MAP2K1: variants seen among roughly 807,000 people sequenced by gnomAD.
The protein encoded by MAP2K1 is dual specificity mitogen-activated protein kinase kinase 1.
A neutral mutation model predicts 46.3 loss-of-function variants in MAP2K1; 16 were observed. The observed-to-expected ratio is 0.35, with a 90% CI of 0.23 to 0.52. The LOEUF is 0.52. Among genes scored for constraint, MAP2K1 ranks in the 20% least tolerant of loss-of-function variants. The pLI, the probability that MAP2K1 is intolerant of heterozygous loss-of-function variation, is 0.94. For missense variants in MAP2K1, 263 were observed against 497.1 expected (o/e 0.53, Z 4.48); for synonymous variants, 183 against 185.6 (o/e 0.99, Z 0.11).
At chr15:66,399,384 T>C (rs904114586) in intron 1 of MAP2K1, among the ~76,000 whole-genome samples, 1 of 152,224 alleles carries the variant, frequency 6.6e-6, no homozygotes, top group African/African-American at 2.4e-5. Flanking sequence ...ATCCCTAGAT[T>C]CCTTTGTGCT....
At chr15:66,465,354 G>A (rs1176989440) in intron 5 of MAP2K1, among the ~76,000 whole-genome samples, 3 of 152,188 alleles carry the variant, frequency 2.0e-5, no homozygotes, top group South Asian at 2.1e-4. Context: ...GTCCACGTGA[G>A]AGGGTTGTGA....
intron 3 of MAP2K1, among the ~76,000 whole-genome samples, chr15:66,441,162 T>C (rs1450017707): frequency 6.6e-6 from 1 of 152,074 alleles, no homozygotes; most frequent in Non-Finnish European, 1.5e-5. Context: ...GGAGTCTCAC[T>C]ACTACGTGGC....
intron 5 of MAP2K1, among the ~76,000 whole-genome samples, chr15:66,481,344 A>G (rs748657723): frequency 4.9e-4 from 75 of 152,262 alleles, no homozygotes; most frequent in Middle Eastern, 3.4e-3. Context: ...GCAAGCAGAT[A>G]GGTCTTATTA....
rs1567003098 is a variant in MAP2K1, at chr15:66,420,789, G to GTGTATATA, written c.81-14235_81-14234insATATATGT. Among the ~76,000 whole-genome samples, 12 of 17,894 alleles carry GTGTATATA rather than the reference G, an allele frequency of 6.7e-4. 2 individuals carry two copies. The highest frequency in any genetic ancestry group is 1.4e-3 in the African/African-American group (12 of 8,336). The allele number at this position is 17,894 out of a possible 152,430, so 11.7% of individuals were successfully genotyped here. On this transcript the variant is annotated intron_variant, in intron 1 of 10. Transcript: ENST00000307102. ...TGTGTATATATATGTGTATATATAT[G>GTGTATATA]TGTGTATATATATGTGTATATATAT...
chr15:66,415,131 C>A, intron 1 of MAP2K1: 1 of 525,088 alleles, frequency 1.9e-6, no homozygotes, highest in South Asian at 1.4e-5. Context: ...GCATCAAGCT[C>A]CAGCTTGGCA....
intron 5 of MAP2K1, among the ~76,000 whole-genome samples, chr15:66,469,723 C>CACACACACACACACACATAT (rs143830560): frequency 5.9e-5 from 8 of 134,560 alleles, no homozygotes; most frequent in East Asian, 5.2e-4. Flanking sequence ...CACACACACA[C>CACACACACACACACACATAT]ATATCGGATG....
chr15:66,426,142 CTTTTT>C (rs57873985), intron 1 of MAP2K1, among the ~76,000 whole-genome samples: 1 of 145,510 alleles, frequency 6.9e-6, no homozygotes, highest in African/African-American at 2.5e-5. Flanking sequence ...AGTGTTTTTT[CTTTTT>C]TTTTTTTTTT....
At chr15:66,443,492 C>T (rs1891775515) in intron 4 of MAP2K1, 135 bp downstream of exon 4, 2 of 683,762 alleles carry the variant, frequency 2.9e-6, no homozygotes, top group South Asian at 3.0e-5. Context: ...TCTCACTAGA[C>T]TCTTCCCTGT....
chr15:66,424,506 GCTTT>G (rs891001178), intron 1 of MAP2K1, among the ~76,000 whole-genome samples: 7 of 152,196 alleles, frequency 4.6e-5, no homozygotes, highest in Non-Finnish European at 1.5e-5. Context: ...CTGGGTTTGG[GCTTT>G]CTTTTTAATA....
chr15:66,414,450 A>G (rs1250018271), intron 1 of MAP2K1, among the ~76,000 whole-genome samples: 1 of 152,154 alleles, frequency 6.6e-6, no homozygotes. Flanking sequence ...AAGAAGAGGC[A>G]TATAGGGTAA....
intron 1 of MAP2K1, among the ~76,000 whole-genome samples, chr15:66,414,574 C>T (rs574621666): frequency 6.6e-6 from 1 of 152,222 alleles, no homozygotes; most frequent in East Asian, 1.9e-4. Context: ...TATTATTAAC[C>T]AGGGAAGCTC....
At chr15:66,421,083 T>TACAC (rs1298798305) in intron 1 of MAP2K1, among the ~76,000 whole-genome samples, 1 of 75,506 alleles carries the variant, frequency 1.3e-5, no homozygotes, top group Non-Finnish European at 2.4e-5. Flanking sequence ...TATATACACA[T>TACAC]ACACACACAT....
At chr15:66,441,240 A>G (rs2093502792) in intron 3 of MAP2K1, among the ~76,000 whole-genome samples, 1 of 152,126 alleles carries the variant, frequency 6.6e-6, no homozygotes, top group Non-Finnish European at 1.5e-5. Context: ...ATTTGGGATT[A>G]CAGGCATGAG....
chr15:66,449,379 GAGCCTGCT>G, intron 5 of MAP2K1, among the ~76,000 whole-genome samples: 1 of 152,306 alleles, frequency 6.6e-6, no homozygotes, highest in East Asian at 1.9e-4. Flanking sequence ...CATACTGTGA[GAGCCTGCT>G]AATACGAAAT....
At chr15:66,390,535 G>GT (rs2093353952) in intron 1 of MAP2K1, among the ~76,000 whole-genome samples, 1 of 152,190 alleles carries the variant, frequency 6.6e-6, no homozygotes, top group African/African-American at 2.4e-5. Context: ...CAGAGATGGA[G>GT]TTGGGTAATA....
chr15:66,388,100 C>G (rs969622273), intron 1 of MAP2K1, among the ~76,000 whole-genome samples: 1 of 152,214 alleles, frequency 6.6e-6, no homozygotes, highest in Non-Finnish European at 1.5e-5. Context: ...GATTTCCTAG[C>G]TTTCCGTACT....
intron 5 of MAP2K1, among the ~76,000 whole-genome samples, chr15:66,445,546 A>G (rs537120514): frequency 6.6e-6 from 1 of 152,370 alleles, no homozygotes; most frequent in Non-Finnish European, 1.5e-5. Flanking sequence ...ATGTTTAAAG[A>G]AGCTGTATTT....
intron 5 of MAP2K1, among the ~76,000 whole-genome samples, chr15:66,462,571 G>A (rs1256974125): frequency 1.3e-5 from 2 of 149,498 alleles, no homozygotes; most frequent in Admixed American, 1.3e-4. Flanking sequence ...CATGGTTACT[G>A]TCTCTACTTT....
At chr15:66,394,562 C>T (rs2093363400) in intron 1 of MAP2K1, among the ~76,000 whole-genome samples, 1 of 149,258 alleles carries the variant, frequency 6.7e-6, no homozygotes, top group African/African-American at 2.5e-5. Flanking sequence ...TTCAGGGAAT[C>T]CTCCTGCTTC....
Sources: allele counts gnomAD v4.1 joint callset (sites outside exome capture counted in the v4.1 genomes callset), GRCh38; gene constraint gnomAD v4.1.1; transcripts MANE v1.5; gene names NCBI Gene and HGNC (gene_info 2026-07-23, HGNC 2026-07-21).